LRRC4C: variants seen among roughly 807,000 people sequenced by gnomAD.
LRRC4C encodes the protein leucine-rich repeat-containing protein 4C.
A neutral mutation model predicts 33.6 loss-of-function variants in LRRC4C; 5 were observed. The ratio of observed to expected loss-of-function variants is 0.15; its 90% CI spans 0.08 to 0.31. The LOEUF is 0.31. Ranked by LOEUF, LRRC4C falls within the 10% of genes least tolerant of loss-of-function variation. LRRC4C has a pLI of 1.00. For missense variants in LRRC4C, 560 were observed against 796.7 expected, an observed-to-expected ratio of 0.70 and a Z score of 3.58; for synonymous variants, 329 against 302.0, an observed-to-expected ratio of 1.09 and a Z score of -0.93.
chr11:40,409,749 G>A (rs1037897275), intron 3 of LRRC4C, among the ~76,000 whole-genome samples: 2 of 152,008 alleles, frequency 1.3e-5, no homozygotes, highest in African/African-American at 2.4e-5. Context: ...TAGAAATGAT[G>A]TGGAGAAAGG....
chr11:41,148,183 C>A (rs1178596154), intron 1 of LRRC4C, among the ~76,000 whole-genome samples: 1 of 151,896 alleles, frequency 6.6e-6, no homozygotes, highest in Non-Finnish European at 1.5e-5. Context: ...GCCTGGCTAA[C>A]TTTTTGTATT....
chr11:41,374,036 C>A (rs1229962261), intron 1 of LRRC4C, among the ~76,000 whole-genome samples: 1 of 152,098 alleles, frequency 6.6e-6, no homozygotes, highest in Non-Finnish European at 1.5e-5. Context: ...ACCTAAATCT[C>A]ATAACCCAAT....
At chr11:41,426,266 A>G (rs1197392427) in intron 1 of LRRC4C, 2 of 152,182 alleles carry the variant, frequency 1.3e-5, no homozygotes, top group African/African-American at 4.8e-5. Context: ...AACATAAACT[A>G]TAGCTTTTGA....
At chr11:40,737,734 T>C (rs1947955422) in intron 2 of LRRC4C, among the ~76,000 whole-genome samples, 1 of 152,024 alleles carries the variant, frequency 6.6e-6, no homozygotes, top group African/African-American at 2.4e-5. Context: ...CACAAACAAA[T>C]GGAAAAACAT....
intron 3 of LRRC4C, among the ~76,000 whole-genome samples, chr11:40,409,644 T>C (rs1055880522): frequency 6.6e-6 from 1 of 152,016 alleles, no homozygotes; most frequent in African/African-American, 2.4e-5. Flanking sequence ...CTCAACATCA[T>C]TAATCGTCAG....
At chr11:41,318,869 GGATATT>G (rs1950872406) in intron 1 of LRRC4C, among the ~76,000 whole-genome samples, 1 of 151,868 alleles carries the variant, frequency 6.6e-6, no homozygotes, top group South Asian at 2.1e-4. Context: ...TGTAGCTCAT[GGATATT>G]GAACACTCAG....
chr11:40,923,409 TG>T (rs1957274522), intron 2 of LRRC4C, among the ~76,000 whole-genome samples: 1 of 152,206 alleles, frequency 6.6e-6, no homozygotes, highest in African/African-American at 2.4e-5. Flanking sequence ...TGAAGTTAAA[TG>T]TGGCAGTGTA....
intron 2 of LRRC4C, among the ~76,000 whole-genome samples, chr11:40,916,744 A>G (rs1258163846): frequency 6.6e-6 from 1 of 151,902 alleles, no homozygotes; most frequent in African/African-American, 2.4e-5. Flanking sequence ...AAATTTCAGA[A>G]AATTTAAAAA....
At chr11:41,134,637 G>A (rs1345900335) in intron 1 of LRRC4C, among the ~76,000 whole-genome samples, 1 of 152,098 alleles carries the variant, frequency 6.6e-6, no homozygotes, top group Non-Finnish European at 1.5e-5. Flanking sequence ...TGTTGGCAGA[G>A]CTATGCTCCT....
At chr11:40,160,905 A>T (rs759915850) in intron 5 of LRRC4C, among the ~76,000 whole-genome samples, 1 of 152,212 alleles carries the variant, frequency 6.6e-6, no homozygotes, top group Non-Finnish European at 1.5e-5. Context: ...CATAGAGAAG[A>T]AACCAGCCAC....
rs377633492 is a variant in LRRC4C at position 40,945,461 on chromosome 11, A to G, written c.-495-11738T>C. Among the ~76,000 whole-genome samples, 18 of 152,314 alleles carry G rather than the reference A, an allele frequency of 1.2e-4. No individual in the cohort carries two copies. In the South Asian group the frequency reaches 3.5e-3, roughly 30 times the overall value. ...GGAATTAAAGCATGATAACATTTAA[A>G]TACACTGTCTATACTCCTAAATATA... On this transcript the variant is annotated intron_variant, in intron 1 of 6. Coordinates refer to ENST00000528697, the MANE Select transcript of LRRC4C (RefSeq NM_001258419.2).
chr11:40,740,883 G>C (rs1199769389), intron 2 of LRRC4C, among the ~76,000 whole-genome samples: 1 of 152,124 alleles, frequency 6.6e-6, no homozygotes, highest in South Asian at 2.1e-4. Flanking sequence ...TTTTTGAAGA[G>C]ACTATACATT....
At chr11:41,303,300 G>A (rs1166327770) in intron 1 of LRRC4C, among the ~76,000 whole-genome samples, 2 of 137,228 alleles carry the variant, frequency 1.5e-5, no homozygotes, top group African/African-American at 2.7e-5. Context: ...TGTTGGCCGG[G>A]CCGGTCTCCA....
chr11:40,436,893 G>A lies in LRRC4C; in HGVS notation c.-269-117172C>T, dbSNP rs1951163527. ...TACTGATCGAAAGCCTGACTGAGAG[G>A]CTGTTAGAGATGTAAAGGAAGAGAA... On this transcript the variant is annotated intron_variant, in intron 3 of 6. Transcript: ENST00000528697. Among the ~76,000 whole-genome samples, 4 of 152,246 alleles carry A rather than the reference G, an allele frequency of 2.6e-5. No individual in the cohort carries two copies. The South Asian group carries it at 6.2e-4, about 24-fold the overall frequency.
At chr11:41,450,800 T>G (rs1490008047) in intron 1 of LRRC4C, among the ~76,000 whole-genome samples, 3 of 152,264 alleles carry the variant, frequency 2.0e-5, no homozygotes, top group East Asian at 3.9e-4. Flanking sequence ...CTTACTCTAT[T>G]AGCACTGATA....
chr11:41,099,621 G>T (rs905082625), intron 1 of LRRC4C, among the ~76,000 whole-genome samples: 3 of 151,960 alleles, frequency 2.0e-5, no homozygotes, highest in African/African-American at 7.3e-5. Context: ...AGGCAAAAAG[G>T]CTTTCAAGAA....
chr11:41,256,391 A>G (rs1284081121), intron 1 of LRRC4C, among the ~76,000 whole-genome samples: 1 of 151,942 alleles, frequency 6.6e-6, no homozygotes. Context: ...ACTCCCTCAT[A>G]CTACCACTGT....
chr11:40,431,107 A>AAAAAAAAAAT (rs1950910790), intron 3 of LRRC4C, among the ~76,000 whole-genome samples: 1 of 135,754 alleles, frequency 7.4e-6, no homozygotes, highest in Non-Finnish European at 1.6e-5. Context: ...TAAAAAAAAA[A>AAAAAAAAAAT]AAAAAAAATA....
At chr11:40,550,805 G>A (rs1046172739) in intron 3 of LRRC4C, among the ~76,000 whole-genome samples, 3 of 120,114 alleles carry the variant, frequency 2.5e-5, no homozygotes. Context: ...TAAATTTTGG[G>A]TGGAAAAAAA....
Sources: allele counts gnomAD v4.1 joint callset (sites outside exome capture counted in the v4.1 genomes callset), GRCh38; gene constraint gnomAD v4.1.1; transcripts MANE v1.5; gene names NCBI Gene and HGNC (gene_info 2026-07-23, HGNC 2026-07-21).